Variants in CDH3 observed in about 807,000 individuals in gnomAD.
CDH3 encodes the protein cadherin 3.
CDH3 carries 54 observed loss-of-function variants against 82.0 expected under a neutral mutation model. The ratio of observed to expected loss-of-function variants is 0.66; its 90% CI spans 0.53 to 0.83. The LOEUF (loss-of-function observed/expected upper bound fraction) is 0.83, where lower values mean the gene tolerates loss of function less well. CDH3 is among the 40% of genes least tolerant of loss of function. The pLI, the probability that CDH3 is intolerant of heterozygous loss-of-function variation, is 0.00. For synonymous variants in CDH3, 446 were observed against 437.9 expected, an observed-to-expected ratio of 1.02 and a Z score of -0.23; for missense variants, 1,054 against 1,084.6, an observed-to-expected ratio of 0.97 and a Z score of 0.40.
At chr16:68,725,505 T>C (rs1174059996) in intron 2 of CDH3, among the ~76,000 whole-genome samples, 1 of 151,868 alleles carries the variant, frequency 6.6e-6, no homozygotes, top group Non-Finnish European at 1.5e-5. Context: ...GGCTAATTTT[T>C]TGTATTTTTA....
intron 1 of CDH3, among the ~76,000 whole-genome samples, chr16:68,712,037 C>CTTTTTTTTTTTTT (rs58452743): frequency 3.3e-5 from 4 of 119,416 alleles, no homozygotes; most frequent in Non-Finnish European, 3.3e-5. Flanking sequence ...TTTTTGTTTT[C>CTTTTTTTTTTTTT]TTTTTTTTTT....
chr16:68,655,238 C>A (rs548548382), intron 2 of CDH3, among the ~76,000 whole-genome samples: 1 of 152,242 alleles, frequency 6.6e-6, no homozygotes, highest in East Asian at 1.9e-4. Context: ...ATTTGGCCAA[C>A]ATGTTCAAAT....
chr16:68,715,738 G>T (rs1005899705), intron 1 of CDH3, among the ~76,000 whole-genome samples: 1 of 152,226 alleles, frequency 6.6e-6, no homozygotes, highest in Non-Finnish European at 1.5e-5. Flanking sequence ...TTGCTTTGCT[G>T]ATGAATAGCC....
At chr16:68,710,526 C>T (rs1962013308) in intron 1 of CDH3, among the ~76,000 whole-genome samples, 1 of 152,176 alleles carries the variant, frequency 6.6e-6, no homozygotes, top group African/African-American at 2.4e-5. Flanking sequence ...GCCCCCACAG[C>T]ACATGATCCT....
intron 2 of CDH3, among the ~76,000 whole-genome samples, chr16:68,724,214 G>A (rs1333934811): frequency 2.0e-5 from 3 of 152,058 alleles, no homozygotes; most frequent in East Asian, 1.9e-4. Flanking sequence ...CAGCCTGGGC[G>A]ACAGAGCAAG....
At chr16:68,697,095 C>T (rs1165173717) in intron 15 of CDH3, among the ~76,000 whole-genome samples, 2 of 150,390 alleles carry the variant, frequency 1.3e-5, no homozygotes, top group Non-Finnish European at 1.5e-5. Flanking sequence ...GAGGCTGAGG[C>T]GGGCAGATCA....
At chr16:68,651,396 C>A in intron 2 of CDH3, 1 of 532,420 alleles carries the variant, frequency 1.9e-6, no homozygotes. Flanking sequence ...GAGATGCCTC[C>A]TTGTGCCGTA....
chr16:68,732,373 G>A (rs764663227), downstream of CDH3, among the ~76,000 whole-genome samples: 7 of 152,242 alleles, frequency 4.6e-5, no homozygotes, highest in Non-Finnish European at 7.3e-5. Context: ...CCCCTTGCCA[G>A]GAGATGAAAG....
intron 2 of CDH3, among the ~76,000 whole-genome samples, chr16:68,670,520 G>C (rs985921676): frequency 2.0e-5 from 3 of 152,128 alleles, no homozygotes; most frequent in Admixed American, 6.5e-5. Context: ...GCAGTGGCAA[G>C]AGCATGGATC....
intron 2 of CDH3, among the ~76,000 whole-genome samples, chr16:68,653,873 T>C (rs1417043972): frequency 1.3e-5 from 2 of 151,548 alleles, no homozygotes; most frequent in Non-Finnish European, 2.9e-5. Context: ...GTATTTTTAA[T>C]AGAGACGGGC....
intron 12 of CDH3, among the ~76,000 whole-genome samples, chr16:68,688,225 G>A (rs1324229040): frequency 6.6e-6 from 1 of 151,764 alleles, no homozygotes; most frequent in Non-Finnish European, 1.5e-5. Flanking sequence ...ATCTGATTGA[G>A]GTTCTAGAGG....
chr16:68,678,711 C>T (rs779764715), intron 5 of CDH3, 51 bp from the exon 6 acceptor site: 16 of 1,614,084 alleles, frequency 9.9e-6, no homozygotes, highest in East Asian at 4.5e-5. Context: ...GGATCCTAGG[C>T]CTGGTGAGGT....
In CDH3 at chr16:68,645,761, C is replaced by T. The variant is rs1029022468; in HGVS notation, c.160+11C>T. On this transcript the variant is annotated intron_variant, in intron 2 of 15. Transcript: ENST00000264012. Reference sequence around the variant, plus strand: ...AGGCGCTGGGGAAAGGTAAGATCCTCAGGGTGGAACCGCAGGGTAGGGGCC... The same window carrying T: ...AGGCGCTGGGGAAAGGTAAGATCCTTAGGGTGGAACCGCAGGGTAGGGGCC... 30 of 1,534,876 alleles carry T rather than the reference C, an allele frequency of 2.0e-5. No homozygotes were observed. The highest frequency in any genetic ancestry group is 2.1e-5 in the Non-Finnish European group (24 of 1,139,314).
chr16:68,714,685 A>T (rs1180040712), intron 1 of CDH3, among the ~76,000 whole-genome samples: 1 of 152,136 alleles, frequency 6.6e-6, no homozygotes, highest in African/African-American at 2.4e-5. Context: ...TTCAGCTACC[A>T]AATGTATTCC....
intron 12 of CDH3, among the ~76,000 whole-genome samples, chr16:68,690,497 C>T (rs562496222): frequency 7.5e-4 from 114 of 152,176 alleles, no homozygotes; most frequent in African/African-American, 2.6e-3. Context: ...CCTGTAGTCC[C>T]AGCTACTCCA....
chr16:68,728,154 T>C (rs933194298), downstream of CDH3, among the ~76,000 whole-genome samples: 6 of 80,270 alleles, frequency 7.5e-5, no homozygotes, highest in African/African-American at 1.5e-4. Flanking sequence ...CAGTACCTTA[T>C]GAGGTTTTTT....
intron 2 of CDH3, among the ~76,000 whole-genome samples, chr16:68,652,479 G>A (rs1236209183): frequency 6.6e-6 from 1 of 152,186 alleles, no homozygotes; most frequent in Non-Finnish European, 1.5e-5. Flanking sequence ...AGCATTTGGA[G>A]GATGATGGAA....
chr16:68,671,191 A>G (rs1213305475), intron 2 of CDH3, among the ~76,000 whole-genome samples: 2 of 147,702 alleles, frequency 1.4e-5, no homozygotes, highest in East Asian at 2.0e-4. Flanking sequence ...GGGTCTAGCT[A>G]TATTGGCCAG....
At chr16:68,724,438 G>A (rs1666327645) in intron 2 of CDH3, among the ~76,000 whole-genome samples, 1 of 151,864 alleles carries the variant, frequency 6.6e-6, no homozygotes, top group African/African-American at 2.4e-5. Flanking sequence ...GGGCAACATA[G>A]TGAGCACCTG....
Sources: allele counts gnomAD v4.1 joint callset (sites outside exome capture counted in the v4.1 genomes callset), GRCh38; gene constraint gnomAD v4.1.1; transcripts MANE v1.5; gene names NCBI Gene and HGNC (gene_info 2026-07-23, HGNC 2026-07-21).